CSMD3: variants seen among roughly 807,000 people sequenced by gnomAD.
The protein encoded by CSMD3 is CUB and Sushi multiple domains 3, also known as CUB and sushi domain-containing protein 3.
In CSMD3, 177 loss-of-function variants were observed where a neutral mutation model predicts 435.2. The observed-to-expected ratio is 0.41, with a 90% CI of 0.36 to 0.46. The LOEUF (loss-of-function observed/expected upper bound fraction) is 0.46. Among genes scored for constraint, CSMD3 ranks in the 20% least tolerant of loss-of-function variants. CSMD3 has a pLI of 0.34. For missense variants in CSMD3, 4,265 were observed against 4,504.6 expected (o/e 0.95, Z 1.52); for synonymous variants, 1,656 against 1,520.5 (o/e 1.09, Z -2.07).
chr8:113,408,264 T>G (rs1057506522), intron 1 of CSMD3, among the ~76,000 whole-genome samples: 1 of 152,186 alleles, frequency 6.6e-6, no homozygotes, highest in Admixed American at 6.5e-5. Context: ...ATGTTCACTA[T>G]TGTTATAATG....
chr8:113,062,850 C>T (rs2088676151), intron 5 of CSMD3, among the ~76,000 whole-genome samples: 1 of 151,432 alleles, frequency 6.6e-6, no homozygotes, highest in South Asian at 2.1e-4. Context: ...ATTTGTTTTG[C>T]AAAGCTATAT....
intron 13 of CSMD3, among the ~76,000 whole-genome samples, chr8:112,701,746 C>T (rs1173482096): frequency 6.6e-6 from 1 of 152,180 alleles, no homozygotes; most frequent in East Asian, 1.9e-4. Context: ...CCTCTCCAGT[C>T]CTGTCTCCCA....
chr8:112,708,441 G>T (rs770919081), intron 13 of CSMD3, among the ~76,000 whole-genome samples: 1 of 151,818 alleles, frequency 6.6e-6, no homozygotes, highest in Non-Finnish European at 1.5e-5. Context: ...AAGAGCAGAC[G>T]CAAGAAAGGA....
intron 3 of CSMD3, among the ~76,000 whole-genome samples, chr8:113,210,294 A>T (rs2092818994): frequency 6.6e-6 from 1 of 152,092 alleles, no homozygotes; most frequent in African/African-American, 2.4e-5. Context: ...GAGCACTGGA[A>T]TATCATAATT....
intron 13 of CSMD3, among the ~76,000 whole-genome samples, chr8:112,791,352 G>C (rs1049141667): frequency 1.4e-5 from 2 of 146,904 alleles, no homozygotes; most frequent in Non-Finnish European, 3.0e-5. Flanking sequence ...GAACTAATGT[G>C]TCTATCACCC....
chr8:113,017,803 T>C (rs551457921), intron 6 of CSMD3, among the ~76,000 whole-genome samples: 12 of 152,140 alleles, frequency 7.9e-5, no homozygotes, highest in African/African-American at 2.9e-4. Context: ...AAAAGTGACA[T>C]TGCCTTAAAC....
chr8:113,284,321 T>C (rs1032859853), intron 2 of CSMD3, among the ~76,000 whole-genome samples: 9 of 152,302 alleles, frequency 5.9e-5, no homozygotes, highest in Non-Finnish European at 1.3e-4. Context: ...TAAGTACTTA[T>C]TAATCTAATG....
intron 3 of CSMD3, among the ~76,000 whole-genome samples, chr8:113,263,039 T>A (rs976642904): frequency 2.6e-5 from 4 of 152,026 alleles, no homozygotes; most frequent in Admixed American, 6.6e-5. Context: ...CTAGGCAAAT[T>A]AAATGCTATG....
intron 6 of CSMD3, among the ~76,000 whole-genome samples, chr8:112,983,555 A>C (rs1183278584): frequency 6.7e-6 from 1 of 149,684 alleles, no homozygotes; most frequent in African/African-American, 2.5e-5. Context: ...TGATTGATAG[A>C]GGGCCATACT....
chr8:112,536,241 CA>C (rs1826065898), intron 27 of CSMD3, among the ~76,000 whole-genome samples: 1 of 149,138 alleles, frequency 6.7e-6, no homozygotes, highest in South Asian at 2.1e-4. Flanking sequence ...AGGCAACCTA[CA>C]AAATGGGAGA....
intron 10 of CSMD3, among the ~76,000 whole-genome samples, chr8:112,893,573 C>G (rs2081864498): frequency 6.6e-6 from 1 of 151,456 alleles, no homozygotes; most frequent in African/African-American, 2.4e-5. Context: ...AGTGGTGGAG[C>G]AGAGATTTAA....
intron 57 of CSMD3, 129 bp downstream of exon 57, chr8:112,289,236 T>A: frequency 2.4e-6 from 2 of 834,326 alleles, no homozygotes; most frequent in South Asian, 1.4e-5. Flanking sequence ...GTGTTTCAGC[T>A]TTTCTTATGA....
At chr8:113,369,558 A>G (rs1040612247) in intron 1 of CSMD3, among the ~76,000 whole-genome samples, 4 of 151,994 alleles carry the variant, frequency 2.6e-5, no homozygotes, top group African/African-American at 9.6e-5. Flanking sequence ...TGCTGGGTAT[A>G]TATCAAAATG....
intron 1 of CSMD3, among the ~76,000 whole-genome samples, chr8:113,413,995 G>A (rs1256245320): frequency 6.6e-6 from 1 of 152,146 alleles, no homozygotes; most frequent in Admixed American, 6.5e-5. Context: ...TTGAAAATAG[G>A]AAACAGAAGA....
intron 18 of CSMD3, among the ~76,000 whole-genome samples, chr8:112,652,197 A>AT (rs984521905): frequency 6.6e-6 from 1 of 152,098 alleles, no homozygotes; most frequent in Non-Finnish European, 1.5e-5. Flanking sequence ...CCCAATGGTC[A>AT]TTTTTTATAT....
intron 4 of CSMD3, among the ~76,000 whole-genome samples, chr8:113,139,607 T>A (rs1588141294): frequency 6.6e-6 from 1 of 151,198 alleles, no homozygotes; most frequent in African/African-American, 2.4e-5. Flanking sequence ...ATGCAGTATA[T>A]AAATTTAAAC....
At chr8:113,269,527 G>A (rs1361647364) in intron 3 of CSMD3, among the ~76,000 whole-genome samples, 2 of 152,110 alleles carry the variant, frequency 1.3e-5, no homozygotes, top group African/African-American at 4.8e-5. Flanking sequence ...AAAGATCAAA[G>A]CTGGAGGCAT....
chr8:112,344,859 ATAC>A (rs1344948150), intron 41 of CSMD3, among the ~76,000 whole-genome samples: 6 of 152,164 alleles, frequency 3.9e-5, no homozygotes, highest in Non-Finnish European at 8.8e-5. Context: ...TTTAAAATTC[ATAC>A]TACTTTTTAA....
At chr8:112,930,789 A>G (rs1234843916) in intron 9 of CSMD3, among the ~76,000 whole-genome samples, 1 of 152,090 alleles carries the variant, frequency 6.6e-6, no homozygotes, top group Non-Finnish European at 1.5e-5. Context: ...CATAGCAACT[A>G]CCTCATTGTC....
Sources: gnomAD v4.1 joint callset for allele counts (sites outside exome capture counted in the v4.1 genomes callset) on GRCh38, gnomAD v4.1.1 for gene constraint, MANE v1.5 for transcripts, NCBI Gene and HGNC (gene_info 2026-07-23, HGNC 2026-07-21) for gene names.